Variants in SMYD3 observed in about 807,000 individuals in gnomAD.
SMYD3 encodes SET and MYND domain containing 3.
Under a neutral mutation model 57.7 loss-of-function variants are expected in SMYD3, and 36 were observed. The ratio of observed to expected loss-of-function variants is 0.62; its 90% CI spans 0.48 to 0.82. SMYD3 has a LOEUF of 0.82. SMYD3 is among the 40% of genes least tolerant of loss of function. SMYD3 has a pLI of 0.00. For synonymous variants in SMYD3, 211 were observed against 195.0 expected (o/e 1.08, Z -0.68); for missense variants, 515 against 538.8 (o/e 0.96, Z 0.44).
At chr1:245,864,117 A>C (rs1426068017) in intron 8 of SMYD3, among the ~76,000 whole-genome samples, 1 of 152,220 alleles carries the variant, frequency 6.6e-6, no homozygotes, top group African/African-American at 2.4e-5. Context: ...GTGAAGATGC[A>C]GAGAAACGGA....
In SMYD3 at chr1:245,911,398, A is replaced by C. The variant is rs372791525; in HGVS notation, c.813+4132T>G. On this transcript the variant is annotated intron_variant, in intron 8 of 11. Transcript: ENST00000490107. Reference sequence around the variant, plus strand: ...CAAAAGAAAGGAAATCAGAATATCAAAGAGAGATCTGCACTCCCATGTTTA... The same window carrying C: ...CAAAAGAAAGGAAATCAGAATATCACAGAGAGATCTGCACTCCCATGTTTA... Among the ~76,000 whole-genome samples, 96 of 151,988 alleles carry C rather than the reference A, an allele frequency of 6.3e-4. 3 individuals carry two copies. The South Asian group carries it at 0.02, about 31-fold the overall frequency.
chr1:246,102,968 G>A (rs780809243), intron 5 of SMYD3, among the ~76,000 whole-genome samples: 2 of 152,042 alleles, frequency 1.3e-5, no homozygotes, highest in Non-Finnish European at 2.9e-5. Flanking sequence ...ATTTTGCTAC[G>A]GCTCCTGTGA....
At chr1:246,324,731 T>A (rs969099239) in intron 5 of SMYD3, among the ~76,000 whole-genome samples, 2 of 151,726 alleles carry the variant, frequency 1.3e-5, no homozygotes, top group Non-Finnish European at 2.9e-5. Flanking sequence ...AAATCCTGTT[T>A]TATGTTATTT....
intron 1 of SMYD3, among the ~76,000 whole-genome samples, chr1:246,393,464 A>T (rs1008313883): frequency 6.6e-6 from 1 of 152,106 alleles, no homozygotes; most frequent in African/African-American, 2.4e-5. Context: ...AATACATTCT[A>T]ACATAAGCAC....
intron 5 of SMYD3, among the ~76,000 whole-genome samples, chr1:246,034,787 AGGACCGC>A (rs1415167161): frequency 6.6e-6 from 1 of 152,136 alleles, no homozygotes; most frequent in Non-Finnish European, 1.5e-5. Flanking sequence ...GGCCTTCTGG[AGGACCGC>A]GGCAATCCTT....
chr1:245,851,570 C>A (rs533159799), intron 10 of SMYD3, among the ~76,000 whole-genome samples: 1 of 152,322 alleles, frequency 6.6e-6, no homozygotes, highest in South Asian at 2.1e-4. Flanking sequence ...CTACAGAGAT[C>A]TGATTTCCTA....
intron 5 of SMYD3, among the ~76,000 whole-genome samples, chr1:246,154,988 A>G (rs1265955415): frequency 2.6e-5 from 4 of 151,960 alleles, no homozygotes; most frequent in Non-Finnish European, 5.9e-5. Flanking sequence ...TCACCGTGTT[A>G]GCCAGGATGG....
chr1:245,878,287 G>A (rs1264305472), intron 8 of SMYD3, among the ~76,000 whole-genome samples: 2 of 152,174 alleles, frequency 1.3e-5, no homozygotes, highest in Non-Finnish European at 2.9e-5. Context: ...TTCTTATAAC[G>A]GGAAAGTGTG....
chr1:246,453,606 G>A (rs932401479), intron 1 of SMYD3, among the ~76,000 whole-genome samples: 5 of 152,052 alleles, frequency 3.3e-5, no homozygotes, highest in African/African-American at 4.8e-5. Flanking sequence ...TACCAAAAGC[G>A]AGGTATTCAA....
At chr1:246,234,537 AGAG>A (rs987176148) in intron 5 of SMYD3, among the ~76,000 whole-genome samples, 2 of 152,236 alleles carry the variant, frequency 1.3e-5, no homozygotes, top group African/African-American at 4.8e-5. Flanking sequence ...TACACCGTAT[AGAG>A]GAGAAGCACT....
intron 5 of SMYD3, among the ~76,000 whole-genome samples, chr1:246,168,958 T>G (rs995689484): frequency 1.3e-5 from 2 of 152,186 alleles, no homozygotes; most frequent in African/African-American, 4.8e-5. Flanking sequence ...CAATATCACC[T>G]GCTATGTACT....
intron 5 of SMYD3, among the ~76,000 whole-genome samples, chr1:246,138,416 AATTT>A (rs1427218615): frequency 6.6e-6 from 1 of 151,528 alleles, no homozygotes; most frequent in African/African-American, 2.4e-5. Context: ...CTATTTTAAA[AATTT>A]ATTTATTTAT....
intron 5 of SMYD3, among the ~76,000 whole-genome samples, chr1:246,087,864 C>A (rs1049707819): frequency 6.6e-6 from 1 of 152,122 alleles, no homozygotes. Context: ...TTAACCAAAC[C>A]GCCTCCCAAC....
chr1:245,916,417 T>C (rs746052079), intron 7 of SMYD3, among the ~76,000 whole-genome samples: 4 of 152,206 alleles, frequency 2.6e-5, no homozygotes, highest in Non-Finnish European at 5.9e-5. Context: ...AGATCTCTTA[T>C]GAAAGTCTAA....
chr1:246,117,919 A>G (rs947299374), intron 5 of SMYD3, among the ~76,000 whole-genome samples: 1 of 152,022 alleles, frequency 6.6e-6, no homozygotes, highest in Non-Finnish European at 1.5e-5. Flanking sequence ...TTCTGCTAGG[A>G]ACTTAAGAGA....
chr1:245,849,522 C>T (rs371823685), intron 10 of SMYD3, among the ~76,000 whole-genome samples: 3 of 152,070 alleles, frequency 2.0e-5, no homozygotes, highest in East Asian at 3.9e-4. Context: ...TCTCTAGAAC[C>T]CAGTGTTGAT....
intron 5 of SMYD3, among the ~76,000 whole-genome samples, chr1:245,955,585 A>C (rs1008207404): frequency 6.6e-6 from 1 of 152,166 alleles, no homozygotes; most frequent in Non-Finnish European, 1.5e-5. Flanking sequence ...CTGATACCTG[A>C]GTATAGATAG....
chr1:246,461,884 A>T (rs1232572564), intron 1 of SMYD3, among the ~76,000 whole-genome samples: 1 of 152,160 alleles, frequency 6.6e-6, no homozygotes, highest in African/African-American at 2.4e-5. Context: ...ATTTATTCTA[A>T]ATTAATTGAT....
At chr1:246,212,840 A>G (rs550754680) in intron 5 of SMYD3, among the ~76,000 whole-genome samples, 1 of 152,308 alleles carries the variant, frequency 6.6e-6, no homozygotes, top group East Asian at 1.9e-4. Context: ...CTAAACAACA[A>G]ATATGTACCA....
Sources: allele counts gnomAD v4.1 joint callset (sites outside exome capture counted in the v4.1 genomes callset), GRCh38; gene constraint gnomAD v4.1.1; transcripts MANE v1.5; gene names NCBI Gene and HGNC (gene_info 2026-07-23, HGNC 2026-07-21).